Variants in PRKCE observed in about 807,000 individuals in gnomAD.
The protein encoded by PRKCE is protein kinase C epsilon type.
In PRKCE, 16 loss-of-function variants were observed where a neutral mutation model predicts 85.4. The ratio of observed to expected loss-of-function variants is 0.19; its 90% CI spans 0.13 to 0.28. The LOEUF (loss-of-function observed/expected upper bound fraction) is 0.28, where lower values mean the gene tolerates loss of function less well. PRKCE is among the 10% of genes least tolerant of loss of function. The pLI, the probability that PRKCE is intolerant of heterozygous loss-of-function variation, is 1.00. For synonymous variants in PRKCE, 388 were observed against 371.5 expected, an observed-to-expected ratio of 1.04 and a Z score of -0.51; for missense variants, 573 against 975.2, an observed-to-expected ratio of 0.59 and a Z score of 5.49.
chr2:46,007,701 A>T, intron 9 of PRKCE, 40 bp downstream of exon 9: 1 of 1,573,746 alleles, frequency 6.4e-7, no homozygotes, highest in Non-Finnish European at 8.6e-7. Flanking sequence ...GTTTTGTTCT[A>T]CTCCTTAGCA....
intron 10 of PRKCE, among the ~76,000 whole-genome samples, chr2:46,076,103 C>T (rs777418764): frequency 4.6e-5 from 7 of 152,226 alleles, no homozygotes. Flanking sequence ...CAAAACAGTA[C>T]CACTGTGCTT....
chr2:45,807,797 G>A (rs1197193538), intron 1 of PRKCE, among the ~76,000 whole-genome samples: 3 of 152,032 alleles, frequency 2.0e-5, no homozygotes, highest in Non-Finnish European at 4.4e-5. Flanking sequence ...AGCAATCTCT[G>A]CTTTACCAAG....
chr2:45,908,989 C>A (rs534787759), intron 2 of PRKCE, among the ~76,000 whole-genome samples: 1 of 152,204 alleles, frequency 6.6e-6, no homozygotes, highest in South Asian at 2.1e-4. Flanking sequence ...CATAAAAATG[C>A]GTGACTGAGC....
At chr2:45,919,698 C>T (rs1228334662) in intron 2 of PRKCE, among the ~76,000 whole-genome samples, 1 of 152,226 alleles carries the variant, frequency 6.6e-6, no homozygotes, top group African/African-American at 2.4e-5. Flanking sequence ...CCAACCTTTT[C>T]TTGGAAAATC....
rs914219033 is a variant in PRKCE, at chr2:45,652,837, C to G, written c.348+389C>G. 3.9e-5 allele frequency among the ~76,000 whole-genome samples: 6 copies of G among 152,170 alleles called. No homozygotes were observed. Among genetic ancestry groups the G allele is most frequent in the African/African-American group, 1.2e-4 (5 of 41,436 alleles). ...GGGTCCCTCCGTCCTTGGAAAGGCACGTGGAGCCTTTGACTGAAGGCTTCT... is the reference window on the plus strand; with the variant it reads ...GGGTCCCTCCGTCCTTGGAAAGGCAGGTGGAGCCTTTGACTGAAGGCTTCT... On this transcript the variant is annotated intron_variant, in intron 1 of 14. Transcript: ENST00000306156. The surrounding 1 kb of genome is among the most constrained non-coding windows in gnomAD (Gnocchi z 7.7).
chr2:45,725,181 G>C (rs191196328), intron 1 of PRKCE, among the ~76,000 whole-genome samples: 2 of 152,094 alleles, frequency 1.3e-5, no homozygotes, highest in Non-Finnish European at 2.9e-5. Flanking sequence ...TATTCTGCTC[G>C]TGCTCTGTCA....
At chr2:45,708,124 C>T (rs1482824370) in intron 1 of PRKCE, among the ~76,000 whole-genome samples, 3 of 152,340 alleles carry the variant, frequency 2.0e-5, no homozygotes, top group Non-Finnish European at 2.9e-5. Context: ...CTCCTCCCTA[C>T]GCATCATAGG....
chr2:46,029,437 C>T (rs765233017), intron 10 of PRKCE, among the ~76,000 whole-genome samples: 1 of 152,064 alleles, frequency 6.6e-6, no homozygotes, highest in East Asian at 1.9e-4. Flanking sequence ...CATGTGACAC[C>T]GGGGTGAACA....
At chr2:45,858,640 T>C (rs920840007) in intron 2 of PRKCE, among the ~76,000 whole-genome samples, 1 of 152,224 alleles carries the variant, frequency 6.6e-6, no homozygotes, top group African/African-American at 2.4e-5. Flanking sequence ...TTTGTAAATA[T>C]CTTAAATTTT....
intron 1 of PRKCE, among the ~76,000 whole-genome samples, chr2:45,798,121 C>G (rs1687584405): frequency 6.6e-6 from 1 of 152,110 alleles, no homozygotes; most frequent in Admixed American, 6.5e-5. Context: ...GCCTTGATCT[C>G]AAGGAGCTCA....
intron 2 of PRKCE, among the ~76,000 whole-genome samples, chr2:45,896,816 G>A (rs1018842680): frequency 1.3e-5 from 2 of 152,200 alleles, no homozygotes; most frequent in Non-Finnish European, 2.9e-5. Context: ...GGGTACCGTG[G>A]CTCATGCCTG....
In PRKCE at chr2:45,698,284, C is replaced by T. The variant is rs78187047; in HGVS notation, c.348+45836C>T. Among the ~76,000 whole-genome samples the T allele has an allele frequency of 4.0e-3, 602 of 152,270 alleles. 8 individuals are homozygous for T. The highest frequency in any genetic ancestry group is 0.014 in the African/African-American group (580 of 41,534). On this transcript the variant is annotated intron_variant, in intron 1 of 14. Coordinates refer to ENST00000306156, the MANE Select transcript of PRKCE (RefSeq NM_005400.3). The stretch of plus-strand genomic sequence containing the variant: ...TGAATTTGGTGGAATCATTTTCTAC[C>T]AGCATCCTAAAATCATATTTAGAAT...
chr2:46,031,563 A>C (rs1707514268), intron 10 of PRKCE, among the ~76,000 whole-genome samples: 1 of 151,822 alleles, frequency 6.6e-6, no homozygotes. Flanking sequence ...AGGCAGACAC[A>C]CAGTCTTCTA....
chr2:46,177,564 A>G (rs188520261), intron 14 of PRKCE, among the ~76,000 whole-genome samples: 1 of 152,084 alleles, frequency 6.6e-6, no homozygotes, highest in East Asian at 1.9e-4. Flanking sequence ...CCCTCTGTGC[A>G]TGTCTGTCTC....
intron 14 of PRKCE, among the ~76,000 whole-genome samples, chr2:46,167,558 G>A (rs1177966356): frequency 1.3e-5 from 2 of 152,158 alleles, no homozygotes; most frequent in East Asian, 3.8e-4. Context: ...GGCAGGGAAG[G>A]AGCACAGTTC....
chr2:46,060,833 C>G (rs1220254924), intron 10 of PRKCE, among the ~76,000 whole-genome samples: 1 of 151,242 alleles, frequency 6.6e-6, no homozygotes, highest in Non-Finnish European at 1.5e-5. Context: ...ACGATATCAG[C>G]TCATTGCAAC....
At chr2:46,147,986 T>C (rs1405269352) in intron 12 of PRKCE, among the ~76,000 whole-genome samples, 1 of 152,216 alleles carries the variant, frequency 6.6e-6, no homozygotes, top group African/African-American at 2.4e-5. Context: ...GATTAGAGCA[T>C]GGAAATGCTT....
chr2:45,825,230 T>C (rs1233022051), intron 1 of PRKCE, among the ~76,000 whole-genome samples: 2 of 152,240 alleles, frequency 1.3e-5, no homozygotes, highest in Non-Finnish European at 2.9e-5. Context: ...TGTGGGGAAC[T>C]TGTGGCTCTG....
chr2:45,750,144 A>G (rs773276044), intron 1 of PRKCE, among the ~76,000 whole-genome samples: 1 of 152,232 alleles, frequency 6.6e-6, no homozygotes, highest in Non-Finnish European at 1.5e-5. Flanking sequence ...GGTGAAGTAC[A>G]TATAACATAA....
Sources: gnomAD v4.1 joint callset for allele counts (sites outside exome capture counted in the v4.1 genomes callset) on GRCh38, gnomAD v4.1.1 for gene constraint, Gnocchi (gnomAD v3.1) non-coding constraint, MANE v1.5 for transcripts, NCBI Gene and HGNC (gene_info 2026-07-23, HGNC 2026-07-21) for gene names.